TTC17: variants seen among roughly 807,000 people sequenced by gnomAD.
TTC17 encodes tetratricopeptide repeat protein 17.
TTC17 carries 58 observed loss-of-function variants against 143.8 expected under a neutral mutation model. That is an observed-to-expected ratio of 0.40 (90% CI 0.33 to 0.50). TTC17 has a LOEUF of 0.50. TTC17 is among the 20% of genes least tolerant of loss of function. The probability of loss-of-function intolerance (pLI) is 0.49; values close to 1 mark genes in which losing one functional copy is unlikely to be tolerated. For synonymous variants in TTC17, 501 were observed against 497.8 expected, an observed-to-expected ratio of 1.01 and a Z score of -0.09; for missense variants, 1,273 against 1,392.5, an observed-to-expected ratio of 0.91 and a Z score of 1.37.
At chr11:43,462,514 C>A (rs945517054) in intron 21 of TTC17, among the ~76,000 whole-genome samples, 8 of 152,186 alleles carry the variant, frequency 5.3e-5, no homozygotes, top group Non-Finnish European at 1.2e-4. Flanking sequence ...GTAACAGATT[C>A]TCTAGATCCT....
chr11:43,361,567 T>C (rs747256754), intron 1 of TTC17, among the ~76,000 whole-genome samples: 6 of 152,248 alleles, frequency 3.9e-5, no homozygotes, highest in Non-Finnish European at 8.8e-5. Flanking sequence ...TCATGAATAC[T>C]TCACTGAAAG....
intron 21 of TTC17, among the ~76,000 whole-genome samples, chr11:43,455,567 CATATA>C (rs1947747214): frequency 6.6e-6 from 1 of 151,948 alleles, no homozygotes; most frequent in South Asian, 2.1e-4. Flanking sequence ...TTAACCAAAA[CATATA>C]ATTTATTCAA....
chr11:43,379,425 T>A, intron 2 of TTC17, 103 bp downstream of exon 2: 2 of 1,028,810 alleles, frequency 1.9e-6, no homozygotes, highest in Non-Finnish European at 2.9e-6. Context: ...TAAGTCTGAG[T>A]CTTCTGACTT....
chr11:43,386,806 T>A (rs1173711877), intron 2 of TTC17, among the ~76,000 whole-genome samples: 1 of 152,178 alleles, frequency 6.6e-6, no homozygotes, highest in Non-Finnish European at 1.5e-5. Context: ...TTCATTTTTG[T>A]GAGACAGGGT....
intron 1 of TTC17, chr11:43,370,191 C>A: frequency 2.3e-6 from 1 of 427,326 alleles, no homozygotes; most frequent in Non-Finnish European, 4.6e-6. Flanking sequence ...GATGGTTAGA[C>A]TTGAATCCTG....
At chr11:43,430,711 A>ACG (rs1397491197) in intron 16 of TTC17, among the ~76,000 whole-genome samples, 111 of 104,068 alleles carry the variant, frequency 1.1e-3, no homozygotes, top group South Asian at 3.8e-3. Flanking sequence ...ACATACACGC[A>ACG]CACACACACA....
intron 16 of TTC17, among the ~76,000 whole-genome samples, chr11:43,429,062 A>G (rs1362898826): frequency 1.3e-5 from 2 of 152,208 alleles, no homozygotes; most frequent in Non-Finnish European, 2.9e-5. Context: ...TCTTTCCCAA[A>G]TAGAGGATAG....
At chr11:43,431,648 T>A (rs981202371) in intron 16 of TTC17, among the ~76,000 whole-genome samples, 3 of 152,234 alleles carry the variant, frequency 2.0e-5, no homozygotes, top group African/African-American at 7.2e-5. Context: ...TACCATGTGC[T>A]ACGCAATGGT....
chr11:43,432,279 T>C (rs1161592307), intron 16 of TTC17, among the ~76,000 whole-genome samples: 1 of 152,192 alleles, frequency 6.6e-6, no homozygotes. Flanking sequence ...CCTTGTAGGA[T>C]AGGTTAGTAT....
intron 13 of TTC17, among the ~76,000 whole-genome samples, chr11:43,406,198 A>G (rs1387018712): frequency 6.6e-6 from 1 of 152,206 alleles, no homozygotes; most frequent in Non-Finnish European, 1.5e-5. Context: ...AGAGCACTTC[A>G]AAGATGAGTA....
chr11:43,417,348 A>G (rs1330755980), intron 16 of TTC17, among the ~76,000 whole-genome samples: 1 of 152,226 alleles, frequency 6.6e-6, no homozygotes, highest in East Asian at 1.9e-4. Context: ...TAGTGAAATC[A>G]GATGATTCTG....
intron 21 of TTC17, chr11:43,466,559 G>T: frequency 1.2e-5 from 3 of 244,390 alleles, no homozygotes; most frequent in Non-Finnish European, 2.6e-5. Context: ...TTATTCCGGA[G>T]TTTATATGCC....
Position 43,407,163 on chromosome 11 carries a change from AT to A in TTC17, c.1788del (p.Tyr596Ter). On this transcript the variant is annotated frameshift_variant, in exon 14 of 24. Transcript: ENST00000039989. LOFTEE classifies it high-confidence loss of function. ...RKILLSRINN[Y>X]TIPEEEIGSF... ...ATTTTGCTTTCCCGTATTAATAACT[AT>A]ACTATCCCAGAAGAAGAAATTGGGT... The A allele has an allele frequency of 6.3e-7, 1 of 1,597,628 alleles. No homozygotes were observed. Among genetic ancestry groups the A allele is most frequent in the Non-Finnish European group, 8.5e-7 (1 of 1,174,748 alleles).
At chr11:43,403,603 C>T (rs112500972) in intron 10 of TTC17, among the ~76,000 whole-genome samples, 2 of 152,166 alleles carry the variant, frequency 1.3e-5, no homozygotes, top group African/African-American at 4.8e-5. Context: ...TCTTAAGTTC[C>T]CTCGCCTCTA....
At chr11:43,398,227 C>A in intron 8 of TTC17, 114 bp downstream of exon 8, 1 of 1,311,854 alleles carries the variant, frequency 7.6e-7, no homozygotes, top group Non-Finnish European at 1.0e-6. Flanking sequence ...GAAACCTCTT[C>A]ACTACTGCAA....
At chr11:43,461,390 CAAAAAAAAAAA>C (rs750240102) in intron 21 of TTC17, among the ~76,000 whole-genome samples, 4 of 36,062 alleles carry the variant, frequency 1.1e-4, no homozygotes, top group East Asian at 1.3e-3. Context: ...AACTCCGTCT[CAAAAAAAAAAA>C]AAAAAAAAAA....
Position 43,389,755 on chromosome 11 carries a change from A to T in TTC17, c.353A>T (p.Lys118Met), listed in dbSNP as rs896433669. ...NKEDPDCIKA[K>M]VPLGDLDLYD... ...GAAGACCCAGACTGCATCAAAGCCA[A>T]GGTGCCCTTAGGGGACCTGGATCTA... The change falls in exon 3 of 24, where the codon AAG (lysine) becomes ATG (methionine). Residue 118 changes from lysine (K) to methionine (M), a missense_variant. Lys to Met is a moderately conservative substitution (Grantham distance 95). Around this residue, in one of 3 missense-constraint regions of TTC17, gnomAD observed 325 missense variants for 444.2 expected, o/e 0.73. Transcript: ENST00000039989. 3 of 1,614,034 alleles carry T rather than the reference A, an allele frequency of 1.9e-6. No individual in the cohort carries two copies. The highest frequency in any genetic ancestry group is 1.7e-5 in the Admixed American group (1 of 60,008).
chr11:43,474,288 A>G (rs911751167), intron 21 of TTC17, among the ~76,000 whole-genome samples: 6 of 152,218 alleles, frequency 3.9e-5, no homozygotes, highest in Non-Finnish European at 8.8e-5. Flanking sequence ...AAAAAATAAT[A>G]TCTTAGGATA....
At chr11:43,373,356 A>G (rs1856642860) in intron 1 of TTC17, among the ~76,000 whole-genome samples, 1 of 146,064 alleles carries the variant, frequency 6.8e-6, no homozygotes, top group Non-Finnish European at 1.5e-5. Flanking sequence ...CAGAGTCTCG[A>G]TCTGTCACCC....
Sources: gnomAD v4.1 joint callset for allele counts (sites outside exome capture counted in the v4.1 genomes callset) on GRCh38, gnomAD v4.1.1 for gene constraint, gnomAD v4.1.1 regional missense constraint, MANE v1.5 for transcripts, NCBI Gene and HGNC (gene_info 2026-07-23, HGNC 2026-07-21) for gene names.